The following COBL variants were observed in gnomAD, a reference collection of about 807,000 sequenced individuals.
COBL encodes the protein cordon-bleu WH2 repeat protein.
In COBL, 51 loss-of-function variants were observed where a neutral mutation model predicts 98.8. The ratio of observed to expected loss-of-function variants is 0.52; its 90% confidence interval spans 0.41 to 0.65. COBL has a LOEUF of 0.65. COBL is among the 30% of genes least tolerant of loss of function. The pLI is 0.00. For missense variants in COBL, 1,617 were observed against 1,617.5 expected (o/e 1.00, Z 0.01); for synonymous variants, 634 against 651.7 (o/e 0.97, Z 0.41).
chr7:51,065,409 C>T (rs1319101575), intron 7 of COBL: 1 of 703,150 alleles, frequency 1.4e-6, no homozygotes, highest in East Asian at 2.7e-5. Flanking sequence ...TATTCAGAAG[C>T]AAGCTCAGAA....
chr7:51,284,670 T>C (rs1482592306), intron 1 of COBL, among the ~76,000 whole-genome samples: 2 of 149,912 alleles, frequency 1.3e-5, no homozygotes, highest in Non-Finnish European at 3.0e-5. Context: ...CTACTAAAAA[T>C]ACAAAAATTA....
chr7:51,267,906 T>A (rs1244028596), intron 1 of COBL, among the ~76,000 whole-genome samples: 1 of 152,320 alleles, frequency 6.6e-6, no homozygotes, highest in South Asian at 2.1e-4. Context: ...ACAACAAATA[T>A]TCTCTTCCCA....
At chr7:51,130,248 C>T (rs746300529) in intron 6 of COBL, among the ~76,000 whole-genome samples, 2 of 152,204 alleles carry the variant, frequency 1.3e-5, no homozygotes, top group Non-Finnish European at 2.9e-5. Flanking sequence ...GACCTGAGTC[C>T]TTCCTTCCGA....
chr7:51,253,084 C>T (rs1198126634), intron 1 of COBL, among the ~76,000 whole-genome samples: 3 of 152,036 alleles, frequency 2.0e-5, no homozygotes, highest in African/African-American at 2.4e-5. Context: ...ATTACCCAGT[C>T]ATGGTGGCGG....
intron 1 of COBL, among the ~76,000 whole-genome samples, chr7:51,277,865 T>C (rs1042056442): frequency 2.0e-5 from 3 of 152,146 alleles, no homozygotes; most frequent in Non-Finnish European, 2.9e-5. Flanking sequence ...GCCCAGACTC[T>C]CTAAATACTT....
chr7:51,205,669 T>C (rs1272342252), intron 2 of COBL, among the ~76,000 whole-genome samples: 1 of 149,146 alleles, frequency 6.7e-6, no homozygotes, highest in South Asian at 2.1e-4. Context: ...TTTACAGATA[T>C]GACACTAAAA....
chr7:51,125,927 C>T (rs1798160573), intron 6 of COBL, among the ~76,000 whole-genome samples: 1 of 152,192 alleles, frequency 6.6e-6, no homozygotes, highest in Non-Finnish European at 1.5e-5. Flanking sequence ...CATTTTTCAG[C>T]TAAAATTTTG....
chr7:51,166,266 G>A (rs1036877630), intron 5 of COBL, among the ~76,000 whole-genome samples: 3 of 151,798 alleles, frequency 2.0e-5, no homozygotes, highest in African/African-American at 7.3e-5. Context: ...AAATGAAAAG[G>A]GAGACATTAC....
intron 1 of COBL, among the ~76,000 whole-genome samples, chr7:51,309,551 T>C (rs1485280742): frequency 6.6e-6 from 1 of 152,202 alleles, no homozygotes; most frequent in African/African-American, 2.4e-5. Context: ...AATATGTTAG[T>C]GCCAGTTGAT....
At chr7:51,088,500 C>G (rs1018066505) in intron 6 of COBL, among the ~76,000 whole-genome samples, 2 of 152,022 alleles carry the variant, frequency 1.3e-5, no homozygotes, top group Non-Finnish European at 2.9e-5. Flanking sequence ...CATAGCTTCT[C>G]TTTCCTCTCA....
At chr7:51,111,583 C>A (rs1223816315) in intron 6 of COBL, among the ~76,000 whole-genome samples, 2 of 152,224 alleles carry the variant, frequency 1.3e-5, no homozygotes, top group Non-Finnish European at 2.9e-5. Context: ...TCCTCTCTCG[C>A]TGAACTGTCC....
chr7:51,298,958 TCAGA>T (rs1801661785), intron 1 of COBL, among the ~76,000 whole-genome samples: 1 of 152,144 alleles, frequency 6.6e-6, no homozygotes, highest in Admixed American at 6.5e-5. Flanking sequence ...TACTCTCCAC[TCAGA>T]CTCTCCCCAG....
intron 2 of COBL, among the ~76,000 whole-genome samples, chr7:51,196,715 T>C (rs1465363383): frequency 1.3e-5 from 2 of 152,184 alleles, no homozygotes; most frequent in African/African-American, 4.8e-5. Flanking sequence ...TTGTTACTGG[T>C]CTGTTCAGAG....
chr7:51,244,922 G>C (rs982910442), intron 1 of COBL, among the ~76,000 whole-genome samples: 3 of 152,086 alleles, frequency 2.0e-5, no homozygotes, highest in Non-Finnish European at 4.4e-5. Context: ...CTCTTCTAAG[G>C]CTTCACCCAT....
At chr7:51,027,102 A>G (rs1490789363) in intron 10 of COBL, among the ~76,000 whole-genome samples, 3 of 152,174 alleles carry the variant, frequency 2.0e-5, no homozygotes, top group Non-Finnish European at 4.4e-5. Context: ...AAGAGAATCC[A>G]TGGCCCCCAC....
At chr7:51,108,132 C>T (rs1047860879) in intron 6 of COBL, among the ~76,000 whole-genome samples, 4 of 152,200 alleles carry the variant, frequency 2.6e-5, no homozygotes, top group African/African-American at 4.8e-5. Flanking sequence ...ACTCCTAACT[C>T]TGTTCCTCTT....
intron 2 of COBL, among the ~76,000 whole-genome samples, chr7:51,215,622 C>G (rs1792957910): frequency 6.6e-6 from 1 of 152,240 alleles, no homozygotes. Context: ...GTGCACCTGA[C>G]TTTTAACCTT....
At chr7:51,127,101 G>A (rs141683395) in intron 6 of COBL, among the ~76,000 whole-genome samples, 207 of 152,294 alleles carry the variant, frequency 1.4e-3, no homozygotes, top group African/African-American at 4.6e-3. Flanking sequence ...GCCGTGGGAC[G>A]TGGAGGGCCC....
intron 7 of COBL, among the ~76,000 whole-genome samples, chr7:51,063,949 C>G (rs1791641708): frequency 6.6e-6 from 1 of 152,128 alleles, no homozygotes; most frequent in South Asian, 2.1e-4. Flanking sequence ...CTGAAATCAC[C>G]CAGTAACAGA....
Sources: allele counts gnomAD v4.1 joint callset (sites outside exome capture counted in the v4.1 genomes callset), GRCh38; gene constraint gnomAD v4.1.1; transcripts MANE v1.5; gene names NCBI Gene and HGNC (gene_info 2026-07-23, HGNC 2026-07-21).